The following CCDC7 variants were observed in gnomAD, a reference collection of about 807,000 sequenced individuals.
CCDC7 encodes the protein coiled-coil domain containing 7, also known as coiled-coil domain-containing protein 7.
CCDC7 carries 183 observed loss-of-function variants against 196.9 expected under a neutral mutation model. The ratio of observed to expected loss-of-function variants is 0.93; its 90% CI spans 0.82 to 1.05. CCDC7 has a LOEUF of 1.05. Ranked by LOEUF, CCDC7 falls within the 50% of genes least tolerant of loss-of-function variation. CCDC7 has a pLI of 0.00. For missense variants in CCDC7, 1,540 were observed against 1,482.2 expected, an observed-to-expected ratio of 1.04 and a Z score of -0.64; for synonymous variants, 525 against 484.6, an observed-to-expected ratio of 1.08 and a Z score of -1.10.
At chr10:32,479,944 A>T (rs1159578989) in intron 8 of CCDC7, among the ~76,000 whole-genome samples, 5 of 150,970 alleles carry the variant, frequency 3.3e-5, no homozygotes, top group Admixed American at 6.6e-5. Context: ...GGTGGGTTGT[A>T]TGTGTCTATG....
At chr10:32,549,287 G>A (rs576437040) in intron 13 of CCDC7, among the ~76,000 whole-genome samples, 1 of 152,068 alleles carries the variant, frequency 6.6e-6, no homozygotes, top group Admixed American at 6.5e-5. Flanking sequence ...TGATTTGTTT[G>A]AGTTCGTCAT....
In CCDC7 at chr10:32,786,092, C is replaced by T. The variant is rs2081826581; in HGVS notation, c.3013+7008C>T. Among the ~76,000 whole-genome samples the T allele has an allele frequency of 2.0e-5, 3 of 152,032 alleles. No homozygotes were observed. In the South Asian group the frequency reaches 6.2e-4, roughly 32 times the overall value. ...AGGTGTTTGATGTGTGGGGGGAGTT[C>T]TTTTAATTTAAAAAGAAATGCTGAC... On this transcript the variant is annotated intron_variant, in intron 29 of 41. Coordinates refer to ENST00000639629, the Ensembl canonical transcript of CCDC7.
intron 28 of CCDC7, among the ~76,000 whole-genome samples, chr10:32,732,799 C>G (rs566221356): frequency 2.6e-5 from 4 of 152,130 alleles, no homozygotes; most frequent in Non-Finnish European, 5.9e-5. Context: ...TGTAGCAACT[C>G]TCTTTGCCAT....
At chr10:32,579,108 ATG>A (rs1564718137) in intron 16 of CCDC7, among the ~76,000 whole-genome samples, 1 of 152,188 alleles carries the variant, frequency 6.6e-6, no homozygotes, top group East Asian at 1.9e-4. Context: ...TCAGCTACAT[ATG>A]TGTGTCAGTA....
intron 18 of CCDC7, among the ~76,000 whole-genome samples, chr10:32,584,731 C>T (rs1006839085): frequency 1.1e-4 from 11 of 98,906 alleles, no homozygotes; most frequent in African/African-American, 1.8e-4. Context: ...CCAGCCTGGG[C>T]GACAGAGTGA....
At chr10:32,687,219 C>T (rs1341671238) in intron 22 of CCDC7, among the ~76,000 whole-genome samples, 1 of 152,170 alleles carries the variant, frequency 6.6e-6, no homozygotes, top group Admixed American at 6.5e-5. Context: ...GAAATAGTCT[C>T]ATGAACATCT....
At chr10:32,605,921 A>G (rs186100240) in intron 18 of CCDC7, among the ~76,000 whole-genome samples, 1 of 152,366 alleles carries the variant, frequency 6.6e-6, no homozygotes. Context: ...TGCATAGCAA[A>G]AAGGGAGCCA....
chr10:32,845,146 CT>C, intron 33 of CCDC7, 96 bp from the exon 35 acceptor site: 1 of 661,624 alleles, frequency 1.5e-6, no homozygotes, highest in South Asian at 2.9e-5. Context: ...AGGTGAAATT[CT>C]AAATGAATAT....
At chr10:32,665,565 C>T (rs1218894095) in intron 21 of CCDC7, among the ~76,000 whole-genome samples, 2 of 151,926 alleles carry the variant, frequency 1.3e-5, no homozygotes, top group South Asian at 2.1e-4. Flanking sequence ...TATTTTATTC[C>T]AGTGATCTAC....
At chr10:32,860,297 A>G (rs2093931097) in intron 41 of CCDC7, among the ~76,000 whole-genome samples, 1 of 152,188 alleles carries the variant, frequency 6.6e-6, no homozygotes, top group African/African-American at 2.4e-5. Context: ...ACACAAACAG[A>G]ACCAATGACA....
At chr10:32,498,575 C>G (rs1439904930) in intron 9 of CCDC7, among the ~76,000 whole-genome samples, 1 of 152,104 alleles carries the variant, frequency 6.6e-6, no homozygotes, top group Admixed American at 6.6e-5. Flanking sequence ...AAAGGCAGGC[C>G]TGGTGGTGAC....
intron 3 of CCDC7, among the ~76,000 whole-genome samples, chr10:32,458,477 GTGTGC>G (rs1246326122): frequency 3.4e-4 from 3 of 8,702 alleles, no homozygotes; most frequent in Non-Finnish European, 1.4e-3. Flanking sequence ...GTGTGTGTGT[GTGTGC>G]TTTTTTTTTT....
At chr10:32,803,686 TTCTG>T (rs1265073547) in intron 29 of CCDC7, among the ~76,000 whole-genome samples, 2 of 152,184 alleles carry the variant, frequency 1.3e-5, no homozygotes, top group African/African-American at 2.4e-5. Flanking sequence ...TTGTTATCAA[TTCTG>T]TCTGTCTATA....
chr10:32,609,803 CCTAT>C (rs2061909383), intron 18 of CCDC7, among the ~76,000 whole-genome samples: 1 of 152,120 alleles, frequency 6.6e-6, no homozygotes, highest in African/African-American at 2.4e-5. Context: ...CCTCCCATCC[CCTAT>C]CTCTCACTCC....
At chr10:32,449,653 G>T (rs2133300509), upstream of CCDC7, among the ~76,000 whole-genome samples, 1 of 152,170 alleles carries the variant, frequency 6.6e-6, no homozygotes, top group Middle Eastern at 3.4e-3. Context: ...AAAGTATGTG[G>T]GTGTATTTGT....
intron 18 of CCDC7, among the ~76,000 whole-genome samples, chr10:32,617,629 A>C (rs2062925082): frequency 6.6e-6 from 1 of 151,638 alleles, no homozygotes; most frequent in South Asian, 2.1e-4. Context: ...TTCTAGTTTT[A>C]TTCCACTGTA....
exon 15 of CCDC7, chr10:32,567,891 G>A (rs776491257): frequency 1.2e-6 from 2 of 1,609,558 alleles, no homozygotes; most frequent in Admixed American, 3.4e-5. Flanking sequence ...AATATCCACA[G>A]GTGAGGAAAT....
At chr10:32,616,216 G>C (rs140868326) in intron 18 of CCDC7, among the ~76,000 whole-genome samples, 144 of 152,058 alleles carry the variant, frequency 9.5e-4, no homozygotes, top group African/African-American at 3.3e-3. Flanking sequence ...TAATTTGATA[G>C]AGGTTGTGTT....
intron 8 of CCDC7, among the ~76,000 whole-genome samples, chr10:32,487,027 G>C (rs1248526361): frequency 2.0e-5 from 3 of 152,092 alleles, no homozygotes; most frequent in Non-Finnish European, 2.9e-5. Context: ...TCCTGAATTT[G>C]AATGTTGGCC....
Sources: allele counts gnomAD v4.1 joint callset (sites outside exome capture counted in the v4.1 genomes callset), GRCh38; gene constraint gnomAD v4.1.1; transcripts MANE v1.5; gene names NCBI Gene and HGNC (gene_info 2026-07-23, HGNC 2026-07-21).